The following SEPTIN2 variants were observed in gnomAD, a reference collection of about 807,000 sequenced individuals.
The protein encoded by SEPTIN2 is septin-2.
In SEPTIN2, 34 loss-of-function variants were observed where a neutral mutation model predicts 46.5. That is an observed-to-expected ratio of 0.73 (90% CI 0.56 to 0.97). SEPTIN2 has a LOEUF of 0.97. Ranked by LOEUF, SEPTIN2 falls within the 50% of genes least tolerant of loss-of-function variation. SEPTIN2 has a pLI of 0.00. For synonymous variants in SEPTIN2, 175 were observed against 153.4 expected (o/e 1.14, Z -1.04); for missense variants, 347 against 448.4 (o/e 0.77, Z 2.04).
In SEPTIN2 at chr2:241,352,298, T is replaced by G. The variant is rs770412964; in HGVS notation, c.*361T>G. 3 of 152,618 alleles carry G rather than the reference T, an allele frequency of 2.0e-5. No individual in the cohort carries two copies. The South Asian group carries it at 6.2e-4, about 32-fold the overall frequency. 9.5% of individuals were successfully genotyped at this position (152,618 alleles called of 1,614,324 possible). ...CAACTGACTAACCATTGATGAGCACTCCTGATTTTTATCTAGAACATTCAG... is the reference window on the plus strand; with the variant it reads ...CAACTGACTAACCATTGATGAGCACGCCTGATTTTTATCTAGAACATTCAG... On this transcript the variant is annotated 3_prime_UTR_variant, in exon 13 of 13. Transcript: ENST00000391971.
At position 241,337,522 on chromosome 2, in the gene SEPTIN2, T is replaced by C; in HGVS notation, c.476+6T>C. Reference sequence around the variant, plus strand: ...ATTTCACCTTTTGGACATGGGTAAGTAATTGTTTATCGTGGAGAAATGCTT... The same window carrying C: ...ATTTCACCTTTTGGACATGGGTAAGCAATTGTTTATCGTGGAGAAATGCTT... On this transcript the variant is annotated splice_donor_region_variant and intron_variant, in intron 6 of 12. Coordinates refer to ENST00000391971, the MANE Select transcript of SEPTIN2 (RefSeq NM_004404.5). The C allele has an allele frequency of 6.2e-7, 1 of 1,613,324 alleles. No individual in the cohort carries two copies. Among genetic ancestry groups the C allele is most frequent in the South Asian group, 1.1e-5 (1 of 90,922 alleles).
chr2:241,350,262 A>T, intron 12 of SEPTIN2, 59 bp downstream of exon 12: 1 of 964,556 alleles, frequency 1.0e-6, no homozygotes, highest in Non-Finnish European at 1.5e-6. Flanking sequence ...GTGTCAGCTT[A>T]AATATGACAG....
chr2:241,335,306 G>T, intron 4 of SEPTIN2, 94 bp downstream of exon 4: 1 of 1,560,756 alleles, frequency 6.4e-7, no homozygotes, highest in Non-Finnish European at 8.7e-7. Flanking sequence ...TGTGTGTTTT[G>T]TTTGTTCTTG....
At chr2:241,335,267 ACTGC>A (rs1436874145) in intron 4 of SEPTIN2, 55 bp downstream of exon 4, 1 of 1,593,012 alleles carries the variant, frequency 6.3e-7, no homozygotes, top group Non-Finnish European at 8.6e-7. Context: ...GATGCTGAAG[ACTGC>A]CTAATTAATA....
In SEPTIN2 at chr2:241,336,044, G is replaced by A. The variant is rs2079913446; in HGVS notation, c.287G>A (p.Arg96His). The A allele has an allele frequency of 6.2e-7, 1 of 1,614,136 alleles. No homozygotes were observed. Among genetic ancestry groups the A allele is most frequent in the South Asian group, 1.1e-5 (1 of 91,074 alleles). ...VEIEERGVKL[R>H]LTVVDTPGYG... The stretch of plus-strand genomic sequence containing the variant: ...ATTGAAGAGCGAGGGGTCAAGCTAC[G>A]CCTGACAGTGGTAGATACCCCTGGC... Residue 96 changes from arginine (R) to histidine (H), a missense_variant, in exon 5 of 13, where the codon CGC becomes CAC. Transcript: ENST00000391971.
chr2:241,337,167 C>G, intron 5 of SEPTIN2: 1 of 514,272 alleles, frequency 1.9e-6, no homozygotes, highest in East Asian at 3.2e-5. Flanking sequence ...CTATTCCATT[C>G]AGGCTTTTGA....
chr2:241,351,999 C>G lies in SEPTIN2; in HGVS notation c.*62C>G, dbSNP rs1361257440. On this transcript the variant is annotated 3_prime_UTR_variant, in exon 13 of 13. Transcript: ENST00000391971. The stretch of plus-strand genomic sequence containing the variant: ...TTTCCTGGATAAAAAAGAAAACATT[C>G]CAGATGCATGATCCAGCTGTGTGTT... The G allele has an allele frequency of 2.0e-5, 3 of 152,622 alleles. No individual in the cohort carries two copies. Among genetic ancestry groups the G allele is most frequent in the Admixed American group, 6.5e-5 (1 of 15,278 alleles). 9.5% of individuals were successfully genotyped at this position (152,622 alleles called of 1,614,324 possible).
At chr2:241,316,332 C>T (rs1008391632) in intron 1 of SEPTIN2, 1 of 467,440 alleles carries the variant, frequency 2.1e-6, no homozygotes, top group Non-Finnish European at 3.7e-6. Flanking sequence ...AGGTTTGGTG[C>T]TTGGAGGGAG....
chr2:241,346,312 CTA>C, intron 10 of SEPTIN2, 63 bp downstream of exon 10: 1 of 1,309,936 alleles, frequency 7.6e-7, no homozygotes, highest in Non-Finnish European at 1.1e-6. Flanking sequence ...TCCTCCTCCT[CTA>C]TGTGTTCAGC....
intron 8 of SEPTIN2, 127 bp from the exon 9 acceptor site, chr2:241,343,625 C>T: frequency 4.0e-6 from 4 of 992,510 alleles, no homozygotes; most frequent in South Asian, 3.5e-5. Flanking sequence ...TGTTACATAC[C>T]CCCAGCTTTC....
In SEPTIN2 at chr2:241,337,739, T is replaced by C; in HGVS notation, c.543T>C (p.Ile181=). 6.2e-7 allele frequency: 1 copy of C among 1,614,138 alleles called. No homozygotes were observed. The highest frequency in any genetic ancestry group is 1.1e-5 in the South Asian group (1 of 91,084). The change falls in exon 7 of 13, where the codon ATT becomes ATC. Residue 181 remains isoleucine (I), a synonymous_variant. Coordinates refer to ENST00000391971, the MANE Select transcript of SEPTIN2 (RefSeq NM_004404.5). Reference sequence around the variant, plus strand: ...ACAAGGTGAATATTGTGCCTGTCATTGCAAAAGCTGACACTCTCACCCTGA... The same window carrying C: ...ACAAGGTGAATATTGTGCCTGTCATCGCAAAAGCTGACACTCTCACCCTGA... ...IHNKVNIVPV[I]AKADTLTLKE...
At chr2:241,316,679 C>T in intron 1 of SEPTIN2, 3 of 584,342 alleles carry the variant, frequency 5.1e-6, no homozygotes, top group Non-Finnish European at 8.3e-6. Context: ...GGCCTACTGG[C>T]CCAGACAAAC....
At chr2:241,338,591 A>G (rs190147201) in intron 7 of SEPTIN2, among the ~76,000 whole-genome samples, 1 of 128,034 alleles carries the variant, frequency 7.8e-6, no homozygotes, top group East Asian at 2.8e-4. Flanking sequence ...CTCTAAAAAA[A>G]TATATATATA....
At chr2:241,335,251 A>T in intron 4 of SEPTIN2, 39 bp downstream of exon 4, 1 of 1,603,890 alleles carries the variant, frequency 6.2e-7, no homozygotes, top group African/African-American at 1.3e-5. Flanking sequence ...GTAATTCTAC[A>T]TGAAAGATGC....
Position 241,353,094 on chromosome 2 carries a change from A to G in SEPTIN2, c.*1157A>G, listed in dbSNP as rs1156399783. ...TACTCCCTTTTTGAGTAATTTTCTG[A>G]TGGGAGGAAAGTAGCAGTCATCATC... On this transcript the variant is annotated 3_prime_UTR_variant, in exon 13 of 13. Transcript: ENST00000391971. The G allele has an allele frequency of 6.6e-6, 1 of 152,122 alleles. No homozygotes were observed. The highest frequency in any genetic ancestry group is 2.4e-5 in the African/African-American group (1 of 41,410). The allele number at this position is 152,122 out of a possible 1,614,324, so 9.4% of individuals were successfully genotyped here.
Position 241,335,092 on chromosome 2 carries a change from A to G in SEPTIN2, c.131-34A>G, listed in dbSNP as rs754454006. 20 of 1,451,504 alleles carry G rather than the reference A, an allele frequency of 1.4e-5. No individual in the cohort carries two copies. The Middle Eastern group carries it at 7.9e-4, about 58-fold the overall frequency. The allele number at this position is 1,451,504 out of a possible 1,614,324, so 89.9% of individuals were successfully genotyped here. On this transcript the variant is annotated intron_variant, in intron 3 of 12. Coordinates refer to ENST00000391971, the MANE Select transcript of SEPTIN2 (RefSeq NM_004404.5). ...ACCGATTGAATGGTGTCATATGAAT[A>G]AGGTCATGACAAGGTTTTTCTTTTT...
Position 241,343,004 on chromosome 2 carries a change from A to T in SEPTIN2, c.607A>T (p.Ile203Phe). 1 of 1,597,620 alleles carries T rather than the reference A, an allele frequency of 6.3e-7. No homozygotes were observed. Among genetic ancestry groups the T allele is most frequent in the South Asian group, 1.1e-5 (1 of 89,430 alleles). The part of the protein sequence containing the change: ...ERLKKRILDE[I>F]EEHNIKIYHL... ...GTCATTCTCTCAGATTCTGGATGAAATTGAAGAACATAACATCAAAATCTA... is the reference window on the plus strand; with the variant it reads ...GTCATTCTCTCAGATTCTGGATGAATTTGAAGAACATAACATCAAAATCTA... Residue 203 changes from isoleucine to phenylalanine, a missense_variant, in exon 8 of 13, where the codon ATT becomes TTT. Ile to Phe is a conservative substitution (Grantham distance 21). Coordinates refer to ENST00000391971, the MANE Select transcript of SEPTIN2 (RefSeq NM_004404.5).
intron 1 of SEPTIN2, chr2:241,320,131 T>C (rs1032469441): frequency 2.3e-6 from 1 of 437,714 alleles, no homozygotes. Flanking sequence ...TCCTTTCTTA[T>C]GTCTCCATCT....
intron 7 of SEPTIN2, among the ~76,000 whole-genome samples, chr2:241,339,659 C>T (rs2080985284): frequency 6.6e-6 from 1 of 152,162 alleles, no homozygotes; most frequent in Non-Finnish European, 1.5e-5. Context: ...ACTCTGGCCC[C>T]TTTTCTTCTT....
Sources: allele counts gnomAD v4.1 joint callset (sites outside exome capture counted in the v4.1 genomes callset), GRCh38; gene constraint gnomAD v4.1.1; transcripts MANE v1.5; gene names NCBI Gene and HGNC (gene_info 2026-07-23, HGNC 2026-07-21).